The following CHST9 variants were observed in gnomAD, a reference collection of about 807,000 sequenced individuals.
CHST9 encodes the protein GalNAc-4-sulfotransferase 2.
A neutral mutation model predicts 44.4 loss-of-function variants in CHST9; 41 were observed. The observed-to-expected ratio is 0.92, with a 90% CI of 0.72 to 1.20. CHST9 has a LOEUF of 1.20. Ranked by LOEUF, CHST9 falls within the 50% of genes most tolerant of loss-of-function variation. CHST9 has a pLI of 0.00. For missense variants in CHST9, 504 were observed against 516.5 expected (o/e 0.98, Z 0.23); for synonymous variants, 171 against 178.4 (o/e 0.96, Z 0.33).
intron 5 of CHST9, among the ~76,000 whole-genome samples, chr18:26,929,008 G>A (rs2055827812): frequency 6.6e-6 from 1 of 152,188 alleles, no homozygotes; most frequent in South Asian, 2.1e-4. Context: ...ACGTTGAAAT[G>A]TAAGTGAAGG....
At chr18:26,952,289 C>T (rs1417769894) in intron 4 of CHST9, 1 of 522,018 alleles carries the variant, frequency 1.9e-6, no homozygotes, top group South Asian at 1.4e-5. Flanking sequence ...TGTTGGAAAC[C>T]TTTATTTTAC....
At chr18:26,957,566 C>CAAAAAAA (rs200839830) in intron 4 of CHST9, among the ~76,000 whole-genome samples, 15 of 141,734 alleles carry the variant, frequency 1.1e-4, no homozygotes, top group Admixed American at 7.7e-4. Flanking sequence ...AACTACACTG[C>CAAAAAAA]AAAAAAAAAA....
At chr18:27,100,015 A>G (rs1179571971) in intron 2 of CHST9, among the ~76,000 whole-genome samples, 1 of 107,488 alleles carries the variant, frequency 9.3e-6, no homozygotes, top group Non-Finnish European at 1.9e-5. Flanking sequence ...TGATATATAT[A>G]TAATGATATA....
At chr18:27,058,869 T>A (rs1376599562) in intron 2 of CHST9, among the ~76,000 whole-genome samples, 2 of 152,340 alleles carry the variant, frequency 1.3e-5, no homozygotes, top group African/African-American at 4.8e-5. Context: ...GGTTTTGTCA[T>A]ACTTGGTTAC....
At chr18:27,088,522 G>A (rs945290898) in intron 2 of CHST9, among the ~76,000 whole-genome samples, 1 of 151,554 alleles carries the variant, frequency 6.6e-6, no homozygotes, top group Non-Finnish European at 1.5e-5. Flanking sequence ...AGCCTCCCCA[G>A]TAGCTGGGAC....
In CHST9 at chr18:27,054,001, T is replaced by C. The variant is rs370725939; in HGVS notation, c.122-5498A>G. On this transcript the variant is annotated intron_variant, in intron 2 of 5. Transcript: ENST00000618847. Reference sequence around the variant, plus strand: ...GCCATAGCACTAATTCTTATTTTGGTTCACAATTAGTTGTGTGTTTGTTTT... The same window carrying C: ...GCCATAGCACTAATTCTTATTTTGGCTCACAATTAGTTGTGTGTTTGTTTT... Among the ~76,000 whole-genome samples, 7 of 152,324 alleles carry C rather than the reference T, an allele frequency of 4.6e-5. No individual in the cohort carries two copies. In the East Asian group the frequency reaches 1.2e-3, roughly 25 times the overall value.
chr18:26,944,946 G>C (rs1021658805), intron 4 of CHST9, among the ~76,000 whole-genome samples: 2 of 152,154 alleles, frequency 1.3e-5, no homozygotes, highest in Non-Finnish European at 2.9e-5. Flanking sequence ...AGTAATGTAT[G>C]ACAGGCAACC....
At chr18:27,136,050 T>C (rs1252308021) in intron 2 of CHST9, among the ~76,000 whole-genome samples, 1 of 152,172 alleles carries the variant, frequency 6.6e-6, no homozygotes, top group Non-Finnish European at 1.5e-5. Context: ...TTGGGCCTCA[T>C]CCCAGATCTA....
At chr18:26,935,985 G>A (rs962268440) in intron 5 of CHST9, 9 of 152,276 alleles carry the variant, frequency 5.9e-5, no homozygotes, top group Admixed American at 2.0e-4. Flanking sequence ...CTAGTGGGAG[G>A]TAGAAAACTC....
chr18:27,169,598 C>CTTTTTTTTTTTTTT (rs1156859087), intron 1 of CHST9, among the ~76,000 whole-genome samples: 1 of 82,160 alleles, frequency 1.2e-5, no homozygotes, highest in African/African-American at 5.0e-5. Context: ...ATATATTCTT[C>CTTTTTTTTTTTTTT]TTTTTTTTTT....
intron 4 of CHST9, among the ~76,000 whole-genome samples, chr18:26,965,358 A>G (rs2056450802): frequency 6.6e-6 from 1 of 152,182 alleles, no homozygotes; most frequent in Non-Finnish European, 1.5e-5. Context: ...GTTTATAACT[A>G]TGTGAAGATT....
chr18:26,969,374 C>CTGTGTGTGTG (rs752526316), intron 4 of CHST9, among the ~76,000 whole-genome samples: 303 of 149,340 alleles, frequency 2.0e-3, no homozygotes, highest in African/African-American at 7.3e-3. Flanking sequence ...CTCTCTCTCT[C>CTGTGTGTGTG]TCTGTGTGTG....
intron 4 of CHST9, among the ~76,000 whole-genome samples, chr18:26,959,589 G>C (rs1470572331): frequency 6.6e-6 from 1 of 152,142 alleles, no homozygotes; most frequent in African/African-American, 2.4e-5. Flanking sequence ...AAGCAGATTA[G>C]GGGAACAGTA....
At chr18:27,120,122 A>G (rs1044197260) in intron 2 of CHST9, among the ~76,000 whole-genome samples, 1 of 152,208 alleles carries the variant, frequency 6.6e-6, no homozygotes, top group African/African-American at 2.4e-5. Flanking sequence ...TACATTTTAC[A>G]CTAGTACAAG....
intron 3 of CHST9, 133 bp from the exon 4 acceptor site, chr18:27,024,290 G>A: frequency 1.5e-6 from 1 of 685,574 alleles, no homozygotes. Flanking sequence ...AAGGGAGAGG[G>A]TCATGAAATA....
chr18:27,050,254 C>T (rs749059892), intron 2 of CHST9, among the ~76,000 whole-genome samples: 5 of 152,138 alleles, frequency 3.3e-5, no homozygotes, highest in Non-Finnish European at 7.4e-5. Flanking sequence ...TAGAAGCCAA[C>T]TAAAGGTTTT....
chr18:26,985,555 A>C (rs541926015), intron 4 of CHST9, among the ~76,000 whole-genome samples: 1 of 152,288 alleles, frequency 6.6e-6, no homozygotes, highest in South Asian at 2.1e-4. Flanking sequence ...AGACTCTTTG[A>C]GTTTAAGGGA....
At chr18:27,125,503 T>C (rs998390861) in intron 2 of CHST9, among the ~76,000 whole-genome samples, 1 of 152,206 alleles carries the variant, frequency 6.6e-6, no homozygotes, top group African/African-American at 2.4e-5. Context: ...TCCTTCTGTA[T>C]TGGTTTCTCT....
chr18:26,975,570 C>G (rs1419781724), intron 4 of CHST9, among the ~76,000 whole-genome samples: 1 of 150,322 alleles, frequency 6.7e-6, no homozygotes, highest in East Asian at 1.9e-4. Flanking sequence ...AAAATAATGG[C>G]ATTCAGTTTC....
Sources: gnomAD v4.1 joint callset for allele counts (sites outside exome capture counted in the v4.1 genomes callset) on GRCh38, gnomAD v4.1.1 for gene constraint, MANE v1.5 for transcripts, NCBI Gene and HGNC (gene_info 2026-07-23, HGNC 2026-07-21) for gene names.